The following NPAT variants were observed in gnomAD, a reference collection of about 807,000 sequenced individuals.
The protein encoded by NPAT is nuclear protein, coactivator of histone transcription, also known as protein NPAT.
NPAT carries 52 observed loss-of-function variants against 130.7 expected under a neutral mutation model. That is an observed-to-expected ratio of 0.40 (90% CI 0.32 to 0.50). The LOEUF is 0.50. NPAT is among the 20% of genes least tolerant of loss of function. NPAT has a pLI of 0.68. For synonymous variants in NPAT, 580 were observed against 584.8 expected (o/e 0.99, Z 0.12); for missense variants, 1,687 against 1,662.6 (o/e 1.01, Z -0.26).
intron 1 of NPAT, among the ~76,000 whole-genome samples, chr11:108,211,976 T>A (rs567116945): frequency 2.0e-5 from 3 of 149,504 alleles, no homozygotes; most frequent in Admixed American, 2.0e-4. Flanking sequence ...AAAACAAAAC[T>A]CTACCAAAGA....
At chr11:108,175,940 T>C (rs558251344) in intron 12 of NPAT, among the ~76,000 whole-genome samples, 2 of 152,264 alleles carry the variant, frequency 1.3e-5, no homozygotes, top group Admixed American at 1.3e-4. Flanking sequence ...GAGCATCGTT[T>C]GAGGCTGCAT....
chr11:108,218,311 G>C (rs1262580609), intron 1 of NPAT, among the ~76,000 whole-genome samples: 2 of 152,124 alleles, frequency 1.3e-5, no homozygotes, highest in Non-Finnish European at 2.9e-5. Context: ...GAAAGGATAA[G>C]ATCCTAACTA....
intron 10 of NPAT, among the ~76,000 whole-genome samples, chr11:108,178,862 C>CA (rs1360494503): frequency 5.9e-5 from 9 of 151,594 alleles, no homozygotes; most frequent in East Asian, 1.9e-4. Context: ...GAGACTATCT[C>CA]AAAAAAACAA....
rs896327772 is a variant in NPAT at position 108,172,546 on chromosome 11, C to T, written c.2438G>A (p.Ser813Asn). The T allele has an allele frequency of 1.5e-5, 24 of 1,614,068 alleles. No individual in the cohort carries two copies. The highest frequency in any genetic ancestry group is 1.9e-5 in the Non-Finnish European group (23 of 1,180,046). ...GTCTTCAGATTTGAATGTTAAAAGA[C>T]TCTGTTCCATTGAGGCTGAATCCCC... ...EVGDSASMEQ[S>N]LLTFKSEDSA... Residue 813 changes from serine to asparagine, a missense_variant, in exon 13 of 18, where the codon AGT becomes AAT. This residue lies in a region of NPAT where 1,379 missense variants were observed against 1,346.6 expected (regional missense o/e 1.02). Coordinates refer to ENST00000278612, the MANE Select transcript of NPAT (RefSeq NM_002519.3).
chr11:108,220,919 C>A (rs185812217), intron 1 of NPAT, among the ~76,000 whole-genome samples: 1 of 152,090 alleles, frequency 6.6e-6, no homozygotes, highest in Admixed American at 6.5e-5. Flanking sequence ...AGGCACATTG[C>A]GGGATTGGTG....
chr11:108,206,332 T>C (rs1186833335), intron 1 of NPAT, among the ~76,000 whole-genome samples: 1 of 152,182 alleles, frequency 6.6e-6, no homozygotes, highest in South Asian at 2.1e-4. Context: ...CCAAGCAGGC[T>C]GTGTTTGGCT....
At chr11:108,162,752 G>A (rs2077863998) in intron 15 of NPAT, among the ~76,000 whole-genome samples, 2 of 152,286 alleles carry the variant, frequency 1.3e-5, no homozygotes, top group African/African-American at 4.8e-5. Context: ...TATAAATCCA[G>A]TCTTTGGATC....
rs764987125 is a variant in NPAT at position 108,162,101 on chromosome 11, GA to G, written c.3071+18del. The G allele has an allele frequency of 6.2e-7, 1 of 1,612,762 alleles. No individual in the cohort carries two copies. The highest frequency in any genetic ancestry group is 8.5e-7 in the Non-Finnish European group (1 of 1,178,900). On this transcript the variant is annotated intron_variant, in intron 16 of 17. Coordinates refer to ENST00000278612, the MANE Select transcript of NPAT (RefSeq NM_002519.3). ...CTGAGCATTCAAACAATCTATGATAGAAACTACTTTATACTCACTTTTGTGC... is the reference window on the plus strand; with the variant it reads ...CTGAGCATTCAAACAATCTATGATAGAACTACTTTATACTCACTTTTGTGC...
At chr11:108,179,089 G>A (rs1224923612) in intron 10 of NPAT, among the ~76,000 whole-genome samples, 1 of 152,086 alleles carries the variant, frequency 6.6e-6, no homozygotes, top group Non-Finnish European at 1.5e-5. Flanking sequence ...TAGTCGAATG[G>A]TCTTCAACAA....
At chr11:108,181,106 A>T (rs1319998962) in intron 10 of NPAT, among the ~76,000 whole-genome samples, 2 of 152,222 alleles carry the variant, frequency 1.3e-5, no homozygotes, top group Non-Finnish European at 2.9e-5. Context: ...CACGTGTTGA[A>T]GTCCCAACCT....
Position 108,177,104 on chromosome 11 carries a change from G to A in NPAT, c.907-14C>T. 1 of 1,426,410 alleles carries A rather than the reference G, an allele frequency of 7.0e-7. No individual in the cohort carries two copies. Among genetic ancestry groups the A allele is most frequent in the Non-Finnish European group, 9.9e-7 (1 of 1,010,232 alleles). 88.4% of individuals were successfully genotyped at this position (1,426,410 alleles called of 1,614,324 possible). On this transcript the variant is annotated splice_polypyrimidine_tract_variant and intron_variant, in intron 10 of 17. Transcript: ENST00000278612. ...GTGAATTTCACTCTGCAAGAAAGGA[G>A]TGGCGTGAAGGCATGATTCTAACTG...
rs562352847 is a variant in NPAT, at chr11:108,180,275, C to T, written c.907-3185G>A. ...TCAAAGAGGTTCAGGCTGCAGTGAGCCAAGATTGCACCACATCACTCCAGC... is the reference window on the plus strand; with the variant it reads ...TCAAAGAGGTTCAGGCTGCAGTGAGTCAAGATTGCACCACATCACTCCAGC... On this transcript the variant is annotated intron_variant, in intron 10 of 17. Transcript: ENST00000278612. 7.2e-5 allele frequency among the ~76,000 whole-genome samples: 11 copies of T among 152,252 alleles called. No homozygotes were observed. The South Asian group carries it at 1.5e-3, about 20-fold the overall frequency.
At chr11:108,177,458 C>A (rs929632408) in intron 10 of NPAT, among the ~76,000 whole-genome samples, 6 of 151,988 alleles carry the variant, frequency 3.9e-5, no homozygotes, top group African/African-American at 1.5e-4. Flanking sequence ...CTGTACTCAG[C>A]GTGAATAATA....
In NPAT at chr11:108,189,155, C is replaced by A; in HGVS notation, c.507G>T (p.Arg169Ser). 1 of 1,614,138 alleles carries A rather than the reference C, an allele frequency of 6.2e-7. No individual in the cohort carries two copies. Among genetic ancestry groups the A allele is most frequent in the Non-Finnish European group, 8.5e-7 (1 of 1,180,028 alleles). Residue 169 changes from arginine (R) to serine (S), a missense_variant, in exon 6 of 18, where the codon AGG becomes AGT. By Grantham distance (110) the Arg-to-Ser change is moderately radical. Coordinates refer to ENST00000278612, the MANE Select transcript of NPAT (RefSeq NM_002519.3). ...AGTGGTTGACCACTACAAAATATGA[C>A]CTCGATGGATCTGAAATTTGGCCAC... ...RPSGQISDPSRSYFVVVNHSQ... is the reference protein window; with the variant it reads ...RPSGQISDPSSSYFVVVNHSQ...
chr11:108,172,409 C>A lies in NPAT; in HGVS notation c.2575G>T (p.Ala859Ser). ...YIQLMPATST[A>S]FGNSNNILIA... ...AGAATGTTATTTGAATTGCCAAAAG[C>A]TGTGCTTGTGGCTGGCATCAACTGT... The change falls in exon 13 of 18, where the codon GCT becomes TCT. Residue 859 changes from alanine (A) to serine (S), a missense_variant. Coordinates refer to ENST00000278612, the MANE Select transcript of NPAT (RefSeq NM_002519.3). 6.2e-7 allele frequency: 1 copy of A among 1,614,210 alleles called. No individual in the cohort carries two copies. The highest frequency in any genetic ancestry group is 1.1e-5 in the South Asian group (1 of 91,092).
chr11:108,211,927 A>G (rs2078387357), intron 1 of NPAT, among the ~76,000 whole-genome samples: 1 of 152,136 alleles, frequency 6.6e-6, no homozygotes, highest in Admixed American at 6.5e-5. Context: ...TCCAGCCTGG[A>G]TGACAGAGTA....
At chr11:108,206,568 C>T (rs1432596084) in intron 1 of NPAT, among the ~76,000 whole-genome samples, 1 of 152,150 alleles carries the variant, frequency 6.6e-6, no homozygotes, top group East Asian at 1.9e-4. Flanking sequence ...AGCTTGGAGA[C>T]ATCAAGAATC....
At chr11:108,194,637 C>T (rs527552453) in intron 2 of NPAT, among the ~76,000 whole-genome samples, 1 of 152,202 alleles carries the variant, frequency 6.6e-6, no homozygotes, top group Admixed American at 6.5e-5. Context: ...TCTTCGTTGT[C>T]ACCAGTTTTT....
Position 108,161,157 on chromosome 11 carries a change from G to T in NPAT, c.3929C>A (p.Thr1310Asn). The change falls in exon 17 of 18, where the codon ACC (threonine) becomes AAC (asparagine). Residue 1310 changes from threonine (T) to asparagine (N), a missense_variant. By Grantham distance (65) the Thr-to-Asn change is moderately conservative (BLOSUM62 0). Coordinates refer to ENST00000278612, the MANE Select transcript of NPAT (RefSeq NM_002519.3). The part of the protein sequence containing the change: ...STSKVMVPPV[T>N]PDLPACSPAS... Reference sequence around the variant, plus strand: ...AGGGCTGCAGGCAGGCAAGTCTGGGGTGACAGGAGGGACCATTACTTTTGA... The same window carrying T: ...AGGGCTGCAGGCAGGCAAGTCTGGGTTGACAGGAGGGACCATTACTTTTGA... 1 of 1,614,178 alleles carries T rather than the reference G, an allele frequency of 6.2e-7. No homozygotes were observed. The highest frequency in any genetic ancestry group is 8.5e-7 in the Non-Finnish European group (1 of 1,180,020).
Sources: allele counts gnomAD v4.1 joint callset (sites outside exome capture counted in the v4.1 genomes callset), GRCh38; gene constraint gnomAD v4.1.1; regional missense constraint gnomAD v4.1.1; transcripts MANE v1.5; gene names NCBI Gene and HGNC (gene_info 2026-07-23, HGNC 2026-07-21).